Variants in SPAG16 observed in about 807,000 individuals in gnomAD.
The protein encoded by SPAG16 is sperm-associated antigen 16 protein.
In SPAG16, 86 loss-of-function variants were observed where a neutral mutation model predicts 80.4. The ratio of observed to expected loss-of-function variants is 1.07; its 90% confidence interval spans 0.90 to 1.28. SPAG16 has a LOEUF of 1.28. Among genes scored for constraint, SPAG16 ranks in the 50% most tolerant of loss-of-function variants. The probability of loss-of-function intolerance (pLI) is 0.00; values close to 1 mark genes in which losing one functional copy is unlikely to be tolerated. For missense variants in SPAG16, 870 were observed against 765.3 expected, an observed-to-expected ratio of 1.14 and a Z score of -1.61; for synonymous variants, 294 against 265.9, an observed-to-expected ratio of 1.11 and a Z score of -1.03.
chr2:214,376,970 T>C (rs1275344737), intron 15 of SPAG16, among the ~76,000 whole-genome samples: 1 of 152,224 alleles, frequency 6.6e-6, no homozygotes, highest in Admixed American at 6.5e-5. Flanking sequence ...TTACAGACCA[T>C]ACATGGTGCC....
chr2:214,019,503 A>G (rs746787838), intron 13 of SPAG16, among the ~76,000 whole-genome samples: 9 of 152,150 alleles, frequency 5.9e-5, no homozygotes, highest in Non-Finnish European at 1.0e-4. Context: ...TCCAGCTTAC[A>G]GCATTCTCCT....
intron 12 of SPAG16, among the ~76,000 whole-genome samples, chr2:214,007,693 C>T (rs2047090694): frequency 6.6e-6 from 1 of 152,112 alleles, no homozygotes; most frequent in Non-Finnish European, 1.5e-5. Context: ...GTTAAAATGT[C>T]AGTTGCTATT....
At chr2:214,025,159 G>A (rs1320631170) in intron 13 of SPAG16, among the ~76,000 whole-genome samples, 1 of 151,614 alleles carries the variant, frequency 6.6e-6, no homozygotes, top group African/African-American at 2.4e-5. Flanking sequence ...ATTTTTGGTA[G>A]CTGAGAATGC....
At chr2:213,937,656 T>C (rs60735161) in intron 12 of SPAG16, among the ~76,000 whole-genome samples, 1,615 of 138,638 alleles carry the variant, frequency 0.012, 37 homozygotes, top group African/African-American at 0.038. Flanking sequence ...TTTATTTTCC[T>C]TTCCCCCCCA....
intron 12 of SPAG16, among the ~76,000 whole-genome samples, chr2:213,996,493 C>T (rs1456376877): frequency 6.6e-6 from 1 of 151,330 alleles, no homozygotes; most frequent in Non-Finnish European, 1.5e-5. Context: ...GCAGATATAT[C>T]TTGGCCATTG....
At chr2:214,234,213 T>C (rs1688915565) in intron 15 of SPAG16, among the ~76,000 whole-genome samples, 1 of 152,220 alleles carries the variant, frequency 6.6e-6, no homozygotes, top group Admixed American at 6.5e-5. Context: ...GCAAAGGACA[T>C]GATCTCATTC....
At chr2:213,492,282 G>A (rs902985490) in intron 10 of SPAG16, among the ~76,000 whole-genome samples, 1 of 152,294 alleles carries the variant, frequency 6.6e-6, no homozygotes, top group South Asian at 2.1e-4. Flanking sequence ...GGCCGGGTGT[G>A]GTGGCTCACG....
intron 15 of SPAG16, among the ~76,000 whole-genome samples, chr2:214,407,855 T>A (rs932898481): frequency 6.6e-6 from 1 of 152,132 alleles, no homozygotes; most frequent in Non-Finnish European, 1.5e-5. Flanking sequence ...AATTTTTAAG[T>A]CACACATTAC....
At chr2:213,440,111 G>T (rs1010552137) in intron 9 of SPAG16, among the ~76,000 whole-genome samples, 5 of 151,580 alleles carry the variant, frequency 3.3e-5, no homozygotes, top group Non-Finnish European at 7.4e-5. Context: ...CTGCAGTTTT[G>T]TGTGTGTGTG....
chr2:214,351,082 A>G (rs1239288254), intron 15 of SPAG16, among the ~76,000 whole-genome samples: 1 of 152,132 alleles, frequency 6.6e-6, no homozygotes, highest in African/African-American at 2.4e-5. Flanking sequence ...CTACTTGGGA[A>G]TGAGGATGTA....
rs192186192 is a variant in SPAG16 at position 214,215,859 on chromosome 2, G to A, written c.1720+66593G>A. On this transcript the variant is annotated intron_variant, in intron 15 of 15. Transcript: ENST00000331683. ...TGATTTTGGCTTAAATCCCACCTTTGTTATAATTCAGTCTAGATCCTAATC... is the reference window on the plus strand; with the variant it reads ...TGATTTTGGCTTAAATCCCACCTTTATTATAATTCAGTCTAGATCCTAATC... Among the ~76,000 whole-genome samples, 28 of 152,212 alleles carry A rather than the reference G, an allele frequency of 1.8e-4. No individual in the cohort carries two copies. The East Asian group carries it at 5.4e-3, about 29-fold the overall frequency.
intron 12 of SPAG16, 47 bp from the exon 13 acceptor site, chr2:214,013,904 A>G: frequency 6.3e-7 from 1 of 1,592,870 alleles, no homozygotes; most frequent in Non-Finnish European, 8.6e-7. Flanking sequence ...CATTGTATAG[A>G]CAGCATAGAT....
chr2:214,049,193 T>A (rs1041588192), intron 13 of SPAG16, among the ~76,000 whole-genome samples: 2 of 152,234 alleles, frequency 1.3e-5, no homozygotes, highest in African/African-American at 2.4e-5. Context: ...AATGTGCTTA[T>A]AGCAATCTGA....
chr2:213,729,355 G>A (rs2066927299), intron 10 of SPAG16, among the ~76,000 whole-genome samples: 1 of 152,114 alleles, frequency 6.6e-6, no homozygotes, highest in Non-Finnish European at 1.5e-5. Flanking sequence ...TTCTAGAATG[G>A]ACACACTACC....
intron 15 of SPAG16, among the ~76,000 whole-genome samples, chr2:214,374,798 A>T (rs989769881): frequency 3.9e-5 from 6 of 152,176 alleles, no homozygotes. Context: ...ATTAACTAAA[A>T]CATCACAAAA....
At chr2:213,942,101 G>A (rs2079223076) in intron 12 of SPAG16, among the ~76,000 whole-genome samples, 1 of 151,988 alleles carries the variant, frequency 6.6e-6, no homozygotes, top group African/African-American at 2.4e-5. Context: ...AGATGCCAAG[G>A]TCTTCCTCAC....
chr2:214,297,626 T>G (rs1439070369), intron 15 of SPAG16, among the ~76,000 whole-genome samples: 1 of 152,158 alleles, frequency 6.6e-6, no homozygotes, highest in Admixed American at 6.5e-5. Flanking sequence ...TTGCTGACAT[T>G]GGAAAATATA....
intron 8 of SPAG16, among the ~76,000 whole-genome samples, chr2:213,367,038 T>G (rs535696057): frequency 3.3e-5 from 5 of 152,246 alleles, no homozygotes; most frequent in African/African-American, 1.2e-4. Context: ...ACATGCAGTG[T>G]TTGGTTGTCT....
At chr2:213,949,180 T>G (rs1287345333) in intron 12 of SPAG16, among the ~76,000 whole-genome samples, 2 of 18,348 alleles carry the variant, frequency 1.1e-4, no homozygotes, top group Non-Finnish European at 1.7e-4. Flanking sequence ...TTTTTTTTTT[T>G]TTTTTTTTTT....
Sources: gnomAD v4.1 joint callset for allele counts (sites outside exome capture counted in the v4.1 genomes callset) on GRCh38, gnomAD v4.1.1 for gene constraint, MANE v1.5 for transcripts, NCBI Gene and HGNC (gene_info 2026-07-23, HGNC 2026-07-21) for gene names.